Variants in FNBP4 observed in about 807,000 individuals in gnomAD.
FNBP4 encodes the protein formin-binding protein 4.
In FNBP4, 34 loss-of-function variants were observed where a neutral mutation model predicts 119.3. The ratio of observed to expected loss-of-function variants is 0.28; its 90% CI spans 0.22 to 0.38. FNBP4 has a LOEUF of 0.38. Among genes scored for constraint, FNBP4 ranks in the 10% least tolerant of loss-of-function variants. FNBP4 has a pLI of 1.00. For missense variants in FNBP4, 1,112 were observed against 1,228.9 expected (o/e 0.90, Z 1.42); for synonymous variants, 462 against 430.6 (o/e 1.07, Z -0.90).
At chr11:47,741,485 T>G (rs2097581950) in intron 8 of FNBP4, among the ~76,000 whole-genome samples, 1 of 151,756 alleles carries the variant, frequency 6.6e-6, no homozygotes, top group Admixed American at 6.6e-5. Flanking sequence ...AACTATGGTA[T>G]GTTCACTTTG....
intron 12 of FNBP4, among the ~76,000 whole-genome samples, chr11:47,730,938 C>T (rs1337647263): frequency 6.6e-6 from 1 of 152,164 alleles, no homozygotes; most frequent in Admixed American, 6.5e-5. Context: ...GTACCAACCA[C>T]GCTTTTTGTA....
chr11:47,729,645 G>A, intron 12 of FNBP4: 1 of 957,972 alleles, frequency 1.0e-6, no homozygotes, highest in Non-Finnish European at 1.2e-6. Flanking sequence ...AAACAGCTCG[G>A]ACTACAGGCG....
intron 12 of FNBP4, chr11:47,729,702 A>G: frequency 1.0e-6 from 1 of 985,228 alleles, no homozygotes; most frequent in Non-Finnish European, 1.2e-6. Context: ...AATTTTCTGA[A>G]GAGACAGGGC....
chr11:47,745,968 C>T (rs1421427224), intron 7 of FNBP4, 88 bp downstream of exon 7: 2 of 1,187,042 alleles, frequency 1.7e-6, no homozygotes, highest in African/African-American at 3.1e-5. Flanking sequence ...AAAACAAAAT[C>T]CCAATAATGG....
Position 47,754,666 on chromosome 11 carries a change from T to C in FNBP4, c.314-2A>G. On this transcript the variant is annotated splice_acceptor_variant, in intron 2 of 16. Transcript: ENST00000263773. LOFTEE classifies it high-confidence loss of function. ...AAGCACCAAGCAAGCATAGACCGCC[T>C]AGAAACAAAAAGGTAAACAGTATTT... The C allele has an allele frequency of 6.2e-7, 1 of 1,611,196 alleles. No homozygotes were observed. The highest frequency in any genetic ancestry group is 8.5e-7 in the Non-Finnish European group (1 of 1,179,274).
intron 8 of FNBP4, among the ~76,000 whole-genome samples, chr11:47,742,501 A>AAAAAAAAAAAAAAAAAC (rs2097583666): frequency 6.7e-6 from 1 of 149,718 alleles, no homozygotes; most frequent in Non-Finnish European, 1.5e-5. Context: ...AAAAAAAAAA[A>AAAAAAAAAAAAAAAAAC]AAAAGGACCA....
At chr11:47,740,020 G>A (rs1040525084) in intron 8 of FNBP4, among the ~76,000 whole-genome samples, 5 of 151,804 alleles carry the variant, frequency 3.3e-5, no homozygotes, top group African/African-American at 1.2e-4. Flanking sequence ...GGCTGGTCTC[G>A]AACTCTCAAT....
intron 8 of FNBP4, among the ~76,000 whole-genome samples, chr11:47,740,186 G>A (rs969579468): frequency 4.6e-5 from 7 of 151,908 alleles, no homozygotes; most frequent in African/African-American, 1.4e-4. Context: ...AGGCAGAGAC[G>A]GGCGGATCAC....
At position 47,754,508 on chromosome 11, in the gene FNBP4, C is replaced by G. The variant is rs767391926; in HGVS notation, c.450+20G>C. 6.2e-7 allele frequency: 1 copy of G among 1,609,362 alleles called. No homozygotes were observed. Among genetic ancestry groups the G allele is most frequent in the South Asian group, 1.1e-5 (1 of 90,316 alleles). On this transcript the variant is annotated intron_variant, in intron 3 of 16. Transcript: ENST00000263773. Reference sequence around the variant, plus strand: ...AAAGTAGCTTCAGTAACTAAAACTCCAAACGAAAGCACCACTAACCGCTAG... The same window carrying G: ...AAAGTAGCTTCAGTAACTAAAACTCGAAACGAAAGCACCACTAACCGCTAG...
rs554515138 is a variant in FNBP4 at position 47,744,127 on chromosome 11, C to A, written c.1282G>T (p.Val428Leu). The A allele has an allele frequency of 6.2e-7, 1 of 1,614,152 alleles. No individual in the cohort carries two copies. Among genetic ancestry groups the A allele is most frequent in the African/African-American group, 1.3e-5 (1 of 75,038 alleles). Residue 428 changes from valine to leucine, a missense_variant, in exon 8 of 17, where the codon GTG (valine) becomes TTG (leucine). Physicochemically the swap from Val to Leu is conservative, Grantham distance 32. Coordinates refer to ENST00000263773, the MANE Select transcript of FNBP4 (RefSeq NM_015308.5). Reference protein sequence around the residue: ...LRALEEGDGSVSGSSPRSDIS... With the variant: ...LRALEEGDGSLSGSSPRSDIS... ...TCAGAACGTGGACTAGACCCTGACA[C>A]ACTACCATCTCCTTCCTCCAAGGCT...
intron 1 of FNBP4, among the ~76,000 whole-genome samples, chr11:47,766,252 T>G (rs1308437197): frequency 2.0e-5 from 3 of 151,972 alleles, no homozygotes. Context: ...AGGTGGAGGT[T>G]GCAGTGAGCC....
In FNBP4 at chr11:47,717,397, C is replaced by CA. The variant is rs748087779; in HGVS notation, c.*24dup. ...ACTGAACACAAAACAAACAATAATA[C>CA]AAAAAAGTTTTAAAAACTTAAAAAC... On this transcript the variant is annotated 3_prime_UTR_variant, in exon 17 of 17. Transcript: ENST00000263773. 4 of 1,520,778 alleles carry CA rather than the reference C, an allele frequency of 2.6e-6. No homozygotes were observed. The highest frequency in any genetic ancestry group is 1.4e-5 in the African/African-American group (1 of 73,062). 94.2% of individuals were successfully genotyped at this position (1,520,778 alleles called of 1,614,324 possible). A position where few individuals can be genotyped will look rare whatever the true frequency, so the allele number is the denominator to read the frequency against.
rs1475630607 is a variant in FNBP4, at chr11:47,724,678, A to C, written c.2109T>G (p.Leu703=). ...WTLLQSNVPV[L]QPPLPLEMPP... is the part of the protein sequence containing the mutation. ...GCATTTCCAAGGGTAATGGAGGTTG[A>C]AGCACAGGAACATTTGACTGAAGGA... The change falls in exon 13 of 17, where the codon CTT becomes CTG. Residue 703 remains leucine, a synonymous_variant. Coordinates refer to ENST00000263773, the MANE Select transcript of FNBP4 (RefSeq NM_015308.5). 3 of 1,614,108 alleles carry C rather than the reference A, an allele frequency of 1.9e-6. No homozygotes were observed. Among genetic ancestry groups the C allele is most frequent in the Non-Finnish European group, 2.5e-6 (3 of 1,180,000 alleles).
chr11:47,732,196 CAGG>C lies in FNBP4; in HGVS notation c.1820+338_1820+340del. ...TTTCCTTAACTTCACCGAGGTTAAT[CAGG>C]AGTAGTTGCTTCCAGAGGTCCTGTA... On this transcript the variant is annotated intron_variant, in intron 11 of 16. Transcript: ENST00000263773. The surrounding 1 kb of genome is among the most constrained non-coding windows in gnomAD (Gnocchi z 4.2). The C allele has an allele frequency of 1.9e-6, 2 of 1,048,848 alleles. No homozygotes were observed. The highest frequency in any genetic ancestry group is 4.3e-5 in the South Asian group (1 of 23,036). The allele number at this position is 1,048,848 out of a possible 1,614,324, so 65.0% of individuals were successfully genotyped here. A position where few individuals can be genotyped will look rare whatever the true frequency, so the allele number is the denominator to read the frequency against.
intron 4 of FNBP4, chr11:47,752,688 C>T: frequency 2.3e-6 from 1 of 426,784 alleles, no homozygotes; most frequent in Non-Finnish European, 4.3e-6. Context: ...GCAGTGTGCG[C>T]CTGTAGTCCC....
intron 2 of FNBP4, among the ~76,000 whole-genome samples, chr11:47,759,312 A>G (rs1354445911): frequency 6.6e-6 from 1 of 151,546 alleles, no homozygotes; most frequent in Non-Finnish European, 1.5e-5. Flanking sequence ...CCCAGGTTCA[A>G]GTGATTCTCC....
intron 8 of FNBP4, among the ~76,000 whole-genome samples, chr11:47,737,981 G>A (rs1407758224): frequency 6.6e-6 from 1 of 152,114 alleles, no homozygotes; most frequent in Non-Finnish European, 1.5e-5. Flanking sequence ...CCTGACTGGT[G>A]ATCCGCCCGG....
At position 47,732,563 on chromosome 11, in the gene FNBP4, A is replaced by G. The variant is rs2097568678; in HGVS notation, c.1794T>C (p.Pro598=). 3.1e-6 allele frequency: 5 copies of G among 1,614,198 alleles called. No homozygotes were observed. The highest frequency in any genetic ancestry group is 4.2e-6 in the Non-Finnish European group (5 of 1,180,028). The change falls in exon 11 of 17, where the codon CCT becomes CCC. Residue 598 remains proline, a synonymous_variant. Coordinates refer to ENST00000263773, the MANE Select transcript of FNBP4 (RefSeq NM_015308.5). The surrounding 1 kb of genome is among the most constrained non-coding windows in gnomAD (Gnocchi z 4.2). ...QLKQYEINAT[P]KGWSCHWDRD... is the part of the protein sequence containing the mutation. The stretch of plus-strand genomic sequence containing the variant: ...TGTCCCAGTGGCAGGACCAGCCTTT[A>G]GGAGTGGCGTTTATTTCATACTGTT...
In FNBP4 at chr11:47,732,581, A is replaced by T. The variant is rs762938690; in HGVS notation, c.1776T>A (p.Tyr592Ter). 6.2e-7 allele frequency: 1 copy of T among 1,614,150 alleles called. No individual in the cohort carries two copies. The highest frequency in any genetic ancestry group is 1.7e-5 in the Admixed American group (1 of 60,004). ...AGCCTTTAGGAGTGGCGTTTATTTCATACTGTTTTAGTTGTTCTGCTGCAT... is the reference window on the plus strand; with the variant it reads ...AGCCTTTAGGAGTGGCGTTTATTTCTTACTGTTTTAGTTGTTCTGCTGCAT... ...LQDAAEQLKQ[Y>*]EINATPKGWS... The change falls in exon 11 of 17, where the codon TAT becomes TAA. Residue 592 changes from tyrosine to a stop codon, truncating the protein, a stop_gained. Coordinates refer to ENST00000263773, the MANE Select transcript of FNBP4 (RefSeq NM_015308.5). LOFTEE classifies it high-confidence loss of function. The surrounding 1 kb of genome is among the most constrained non-coding windows in gnomAD (Gnocchi z 4.2).
Sources: gnomAD v4.1 joint callset for allele counts (sites outside exome capture counted in the v4.1 genomes callset) on GRCh38, gnomAD v4.1.1 for gene constraint, Gnocchi (gnomAD v3.1) non-coding constraint, MANE v1.5 for transcripts, NCBI Gene and HGNC (gene_info 2026-07-23, HGNC 2026-07-21) for gene names.